Variants in PTGER2 observed in about 807,000 individuals in gnomAD.
PTGER2 encodes the protein prostaglandin E2 receptor EP2 subtype.
Under a neutral mutation model 26.2 loss-of-function variants are expected in PTGER2, and 22 were observed. That is an observed-to-expected ratio of 0.84 (90% CI 0.60 to 1.20). PTGER2 has a LOEUF of 1.20. Ranked by LOEUF, PTGER2 falls within the 50% of genes most tolerant of loss-of-function variation. The pLI, the probability that PTGER2 is intolerant of heterozygous loss-of-function variation, is 0.00. For missense variants in PTGER2, 458 were observed against 475.2 expected (o/e 0.96, Z 0.34); for synonymous variants, 219 against 208.9 (o/e 1.05, Z -0.42).
chr14:52,324,598 A>G (rs189103005), intron 1 of PTGER2, among the ~76,000 whole-genome samples: 63 of 152,350 alleles, frequency 4.1e-4, no homozygotes, highest in African/African-American at 1.3e-3. Context: ...CAGAAAAGTG[A>G]AAATATAAAC....
chr14:52,322,669 C>T (rs557709874), intron 1 of PTGER2, among the ~76,000 whole-genome samples: 7 of 152,170 alleles, frequency 4.6e-5, no homozygotes, highest in Middle Eastern at 3.4e-3. Context: ...TTATCTCAAC[C>T]GCATAAGACA....
rs61757786 is a variant in PTGER2, at chr14:52,315,319, G to A, written c.771G>A (p.Ala257=). 222 of 1,613,454 alleles carry A rather than the reference G, an allele frequency of 1.4e-4. No individual in the cohort carries two copies. Among genetic ancestry groups the A allele is most frequent in the Non-Finnish European group, 1.4e-4 (165 of 1,179,958 alleles). ...GGAGAGGGGAAAGGGTGTCCATGGCGGAGGAGACGGACCACCTCATTCTCC... is the reference window on the plus strand; with the variant it reads ...GGAGAGGGGAAAGGGTGTCCATGGCAGAGGAGACGGACCACCTCATTCTCC... ...ARRRGERVSM[A]EETDHLILLA... The change falls in exon 1 of 2, where the codon GCG becomes GCA. Residue 257 remains alanine (A), a synonymous_variant. Coordinates refer to ENST00000245457, the MANE Select transcript of PTGER2 (RefSeq NM_000956.4).
chr14:52,315,117 G>C lies in PTGER2; in HGVS notation c.569G>C (p.Arg190Pro). ...QYCPGTWCFI[R>P]HGRTAYLQLY... ...TGCCCCGGGACCTGGTGCTTCATCC[G>C]GCACGGGCGGACCGCTTACCTGCAG... The change falls in exon 1 of 2, where the codon CGG becomes CCG. Residue 190 changes from arginine to proline, a missense_variant. Arg to Pro is a moderately radical substitution (Grantham distance 103). Coordinates refer to ENST00000245457, the MANE Select transcript of PTGER2 (RefSeq NM_000956.4). 1 of 1,609,880 alleles carries C rather than the reference G, an allele frequency of 6.2e-7. No homozygotes were observed. The highest frequency in any genetic ancestry group is 8.5e-7 in the Non-Finnish European group (1 of 1,179,922).
intron 1 of PTGER2, among the ~76,000 whole-genome samples, chr14:52,325,151 GT>G (rs2033936648): frequency 6.6e-6 from 1 of 151,714 alleles, no homozygotes; most frequent in African/African-American, 2.4e-5. Flanking sequence ...AAAAAAAGCC[GT>G]CTTCTACAAA....
At chr14:52,318,567 G>A (rs2033864283) in intron 1 of PTGER2, among the ~76,000 whole-genome samples, 1 of 152,158 alleles carries the variant, frequency 6.6e-6, no homozygotes, top group South Asian at 2.1e-4. Flanking sequence ...AGGATAACAA[G>A]CTGCTTTCTT....
chr14:52,315,103 C>G lies in PTGER2; in HGVS notation c.555C>G (p.Thr185=). Residue 185 remains threonine, a synonymous_variant, in exon 1 of 2, where the codon ACC becomes ACG. Transcript: ENST00000245457. The stretch of plus-strand genomic sequence containing the variant: ...AGTACGTCCAGTACTGCCCCGGGAC[C>G]TGGTGCTTCATCCGGCACGGGCGGA... ...YGQYVQYCPG[T]WCFIRHGRTA... 2 of 1,611,050 alleles carry G rather than the reference C, an allele frequency of 1.2e-6. No homozygotes were observed. Among genetic ancestry groups the G allele is most frequent in the Non-Finnish European group, 1.7e-6 (2 of 1,179,928 alleles).
At chr14:52,315,433 C>G (rs557568392) in intron 1 of PTGER2, 42 bp downstream of exon 1, 2 of 1,604,324 alleles carry the variant, frequency 1.2e-6, no homozygotes, top group Non-Finnish European at 1.7e-6. Flanking sequence ...CTCTGCTCAG[C>G]CTTCTCATGC....
chr14:52,317,992 G>A (rs2140035706), intron 1 of PTGER2, among the ~76,000 whole-genome samples: 1 of 152,332 alleles, frequency 6.6e-6, no homozygotes, highest in Middle Eastern at 3.4e-3. Context: ...ATGAAATGCT[G>A]TACTATCTTG....
chr14:52,314,618 A>G lies in PTGER2; in HGVS notation c.70A>G (p.Ser24Gly). ...ETRQWLPPGE[S>G]PAISSVMFSA... is the part of the protein sequence containing the mutation. ...GCGACAGTGGCTTCCCCCAGGCGAA[A>G]GCCCAGCCATCAGCTCCGTCATGTT... Residue 24 changes from serine (S) to glycine (G), a missense_variant, in exon 1 of 2, where the codon AGC (serine) becomes GGC (glycine). Ser to Gly is a moderately conservative substitution (Grantham distance 56). Coordinates refer to ENST00000245457, the MANE Select transcript of PTGER2 (RefSeq NM_000956.4). This position sits in a 1 kb window ranked among gnomAD's most constrained non-coding sequence, Gnocchi z 5.7. 1.3e-6 allele frequency: 2 copies of G among 1,510,058 alleles called. No individual in the cohort carries two copies. Among genetic ancestry groups the G allele is most frequent in the Non-Finnish European group, 1.8e-6 (2 of 1,128,862 alleles). 93.5% of individuals were successfully genotyped at this position (1,510,058 alleles called of 1,614,324 possible).
rs577917281 is a variant in PTGER2 at position 52,328,127 on chromosome 14, C to T, written c.*673C>T. On this transcript the variant is annotated 3_prime_UTR_variant, in exon 2 of 2. Coordinates refer to ENST00000245457, the MANE Select transcript of PTGER2 (RefSeq NM_000956.4). ...TTATTTATTTTATAATGTCCATATGCTAATAGTGATCAAGAAGACTTTAGG... is the reference window on the plus strand; with the variant it reads ...TTATTTATTTTATAATGTCCATATGTTAATAGTGATCAAGAAGACTTTAGG... 114 of 152,652 alleles carry T rather than the reference C, an allele frequency of 7.5e-4. No homozygotes were observed. The highest frequency in any genetic ancestry group is 2.7e-3 in the African/African-American group (113 of 41,550). The allele number at this position is 152,652 out of a possible 1,614,324, so 9.5% of individuals were successfully genotyped here.
At chr14:52,323,257 G>A (rs1566496833) in intron 1 of PTGER2, among the ~76,000 whole-genome samples, 1 of 148,246 alleles carries the variant, frequency 6.7e-6, no homozygotes, top group African/African-American at 2.5e-5. Flanking sequence ...GTGTATGTAT[G>A]TATGTATTTA....
At chr14:52,322,164 A>G (rs908626005) in intron 1 of PTGER2, among the ~76,000 whole-genome samples, 1 of 152,164 alleles carries the variant, frequency 6.6e-6, no homozygotes, top group African/African-American at 2.4e-5. Context: ...TGGCCGGCTG[A>G]GAAAGAGAAA....
At chr14:52,320,372 G>A (rs2033882781) in intron 1 of PTGER2, among the ~76,000 whole-genome samples, 1 of 152,176 alleles carries the variant, frequency 6.6e-6, no homozygotes, top group Admixed American at 6.5e-5. Context: ...AAGAGAATTT[G>A]TGCATTATGT....
chr14:52,322,156 G>T (rs1421634131), intron 1 of PTGER2, among the ~76,000 whole-genome samples: 3 of 152,114 alleles, frequency 2.0e-5, no homozygotes, highest in African/African-American at 7.2e-5. Flanking sequence ...ATAAGTGTTG[G>T]CCGGCTGAGA....
intron 1 of PTGER2, among the ~76,000 whole-genome samples, chr14:52,317,796 C>T (rs1279818437): frequency 1.3e-5 from 2 of 152,180 alleles, no homozygotes; most frequent in East Asian, 3.8e-4. Flanking sequence ...AAGCCAGCCT[C>T]CCTGACTTCC....
At position 52,314,328 on chromosome 14, in the gene PTGER2, G is replaced by T. The variant is rs2033807393; in HGVS notation, c.-221G>T. ...TTGGCCGGCGCGGGTAGGCGCGGGA[G>T]CCTCGAGCGCCGCTCGGATGCAGCA... is the stretch of plus-strand genomic sequence containing the variant. On this transcript the variant is annotated 5_prime_UTR_variant, in exon 1 of 2. Coordinates refer to ENST00000245457, the MANE Select transcript of PTGER2 (RefSeq NM_000956.4). This position sits in a 1 kb window ranked among gnomAD's most constrained non-coding sequence, Gnocchi z 5.7. The T allele has an allele frequency of 4.9e-6, 2 of 404,530 alleles. No individual in the cohort carries two copies. Among genetic ancestry groups the T allele is most frequent in the Admixed American group, 9.4e-5 (2 of 21,212 alleles). The allele number at this position is 404,530 out of a possible 1,614,324, so 25.1% of individuals were successfully genotyped here. A position where few individuals can be genotyped will look rare whatever the true frequency, so the allele number is the denominator to read the frequency against.
intron 1 of PTGER2, among the ~76,000 whole-genome samples, chr14:52,319,962 A>G (rs1211445615): frequency 6.6e-6 from 1 of 152,180 alleles, no homozygotes; most frequent in South Asian, 2.1e-4. Flanking sequence ...CATTCCTGGT[A>G]CTCATTATGT....
In PTGER2 at chr14:52,327,224, T is replaced by G; in HGVS notation, c.847T>G (p.Phe283Val). ...FAVCSLPFTI[F>V]AYMNETSSRK... Reference sequence around the variant, plus strand: ...TTTTCCCCTTTGCTTCTTACAGATTTTTGCATATATGAATGAAACCTCTTC... The same window carrying G: ...TTTTCCCCTTTGCTTCTTACAGATTGTTGCATATATGAATGAAACCTCTTC... The change falls in exon 2 of 2, where the codon TTT (phenylalanine) becomes GTT (valine). Residue 283 changes from phenylalanine (F) to valine (V), a missense_variant. By Grantham distance (50) the Phe-to-Val change is conservative. Coordinates refer to ENST00000245457, the MANE Select transcript of PTGER2 (RefSeq NM_000956.4). The G allele has an allele frequency of 6.3e-7, 1 of 1,587,198 alleles. No homozygotes were observed. The highest frequency in any genetic ancestry group is 8.6e-7 in the Non-Finnish European group (1 of 1,157,098).
rs755839667 is a variant in PTGER2, at chr14:52,314,873, T to C, written c.325T>C (p.Cys109Arg). 1 of 1,613,060 alleles carries C rather than the reference T, an allele frequency of 6.2e-7. No individual in the cohort carries two copies. Among genetic ancestry groups the C allele is most frequent in the Non-Finnish European group, 8.5e-7 (1 of 1,179,970 alleles). ...GGCACTGGCGCCCGAGAGCCGCGCG[T>C]GCACCTACTTCGCTTTCGCCATGAC... is the stretch of plus-strand genomic sequence containing the variant. ...LVALAPESRA[C>R]TYFAFAMTFF... Residue 109 changes from cysteine (C) to arginine (R), a missense_variant, in exon 1 of 2, where the codon TGC becomes CGC. By Grantham distance (180) the Cys-to-Arg change is radical. Transcript: ENST00000245457. The surrounding 1 kb of genome is among the most constrained non-coding windows in gnomAD (Gnocchi z 5.7).
Sources: allele counts gnomAD v4.1 joint callset (sites outside exome capture counted in the v4.1 genomes callset), GRCh38; gene constraint gnomAD v4.1.1; non-coding constraint Gnocchi (gnomAD v3.1); transcripts MANE v1.5; gene names NCBI Gene and HGNC (gene_info 2026-07-23, HGNC 2026-07-21).